Variants in TMEM68 observed in about 807,000 individuals in gnomAD.
TMEM68 encodes transmembrane protein 68.
Under a neutral mutation model 36.9 loss-of-function variants are expected in TMEM68, and 25 were observed. The observed-to-expected ratio is 0.68, with a 90% CI of 0.49 to 0.95. TMEM68 has a LOEUF of 0.95. TMEM68 is among the 40% of genes least tolerant of loss of function. The pLI is 0.00. For synonymous variants in TMEM68, 131 were observed against 124.4 expected (o/e 1.05, Z -0.35); for missense variants, 333 against 392.0 (o/e 0.85, Z 1.27).
intron 2 of TMEM68, chr8:55,763,314 G>T (rs923351459): frequency 9.2e-5 from 15 of 163,666 alleles, no homozygotes; most frequent in Non-Finnish European, 1.8e-4. Flanking sequence ...ATTTCAGATT[G>T]ATTTTAATAA....
chr8:55,770,154 C>A (rs1487428469), intron 1 of TMEM68, among the ~76,000 whole-genome samples: 1 of 152,148 alleles, frequency 6.6e-6, no homozygotes, highest in East Asian at 1.9e-4. Flanking sequence ...CTTAAAATTA[C>A]TAAATTAATT....
At chr8:55,741,655 C>T (rs1309584861) in intron 7 of TMEM68, among the ~76,000 whole-genome samples, 2 of 151,964 alleles carry the variant, frequency 1.3e-5, no homozygotes, top group Admixed American at 6.6e-5. Flanking sequence ...TTGTTTGGTG[C>T]GGGTCTCCAG....
At chr8:55,756,487 A>C in intron 3 of TMEM68, 76 bp from the exon 4 acceptor site, 1 of 1,337,688 alleles carries the variant, frequency 7.5e-7, no homozygotes, top group Non-Finnish European at 1.0e-6. Context: ...TTGGTAGCTC[A>C]GTCTTTTCTC....
chr8:55,750,451 T>C (rs1251564983), intron 5 of TMEM68, among the ~76,000 whole-genome samples: 1 of 151,784 alleles, frequency 6.6e-6, no homozygotes, highest in African/African-American at 2.4e-5. Context: ...AAGTGTTTCA[T>C]AGGCTAAAGT....
At chr8:55,748,881 A>G (rs1169552060) in intron 5 of TMEM68, among the ~76,000 whole-genome samples, 1 of 152,146 alleles carries the variant, frequency 6.6e-6, no homozygotes, top group Admixed American at 6.6e-5. Flanking sequence ...ATGAACCCAC[A>G]TGTCCAGCTG....
chr8:55,766,580 G>A (rs1005733692), intron 1 of TMEM68, among the ~76,000 whole-genome samples: 2 of 152,062 alleles, frequency 1.3e-5, no homozygotes, highest in Admixed American at 1.3e-4. Context: ...GTTTCACCAT[G>A]TTAGCCAGGA....
In TMEM68 at chr8:55,757,509, G is replaced by A. The variant is rs191191992; in HGVS notation, c.326-1098C>T. 1.5e-4 allele frequency among the ~76,000 whole-genome samples: 23 copies of A among 152,240 alleles called. No homozygotes were observed. In the East Asian group the frequency reaches 2.5e-3, roughly 17 times the overall value. ...AAAGAGAGCCCCTGCTAATGGTACA[G>A]GGAACAAAACCCCACTCACTTCCTG... On this transcript the variant is annotated intron_variant, in intron 3 of 7. Coordinates refer to ENST00000434581, the MANE Select transcript of TMEM68 (RefSeq NM_001286657.2).
intron 1 of TMEM68, among the ~76,000 whole-genome samples, chr8:55,771,050 G>A (rs914543518): frequency 6.6e-6 from 1 of 151,956 alleles, no homozygotes; most frequent in Non-Finnish European, 1.5e-5. Flanking sequence ...AGCTACTCAG[G>A]AGGCTGAGGC....
intron 3 of TMEM68, among the ~76,000 whole-genome samples, chr8:55,756,709 C>G (rs1248182562): frequency 1.3e-5 from 2 of 152,046 alleles, no homozygotes; most frequent in African/African-American, 2.4e-5. Context: ...GAGTCAGAAC[C>G]AGAGCAGAGT....
intron 5 of TMEM68, among the ~76,000 whole-genome samples, chr8:55,750,297 T>C (rs1260494720): frequency 6.6e-6 from 1 of 152,142 alleles, no homozygotes; most frequent in Non-Finnish European, 1.5e-5. Flanking sequence ...TCATTTTCTA[T>C]ACAACTAAAA....
intron 1 of TMEM68, among the ~76,000 whole-genome samples, chr8:55,766,744 G>C (rs567134576): frequency 6.6e-6 from 1 of 152,262 alleles, no homozygotes; most frequent in Non-Finnish European, 1.5e-5. Context: ...GGGTGAGGTT[G>C]CCTGGCTTGG....
chr8:55,747,627 C>T (rs1311378420), intron 5 of TMEM68: 1 of 149,020 alleles, frequency 6.7e-6, no homozygotes, highest in East Asian at 2.0e-4. Context: ...CCATACCTGG[C>T]CTTTAATTAT....
At chr8:55,756,201 T>C (rs1482020331) in intron 4 of TMEM68, 43 bp downstream of exon 4, 1 of 1,552,744 alleles carries the variant, frequency 6.4e-7, no homozygotes, top group East Asian at 2.3e-5. Context: ...CTTGGTTTTG[T>C]TAATAAAACA....
chr8:55,750,941 ATAAT>A lies in TMEM68; in HGVS notation c.687+19_687+22del, dbSNP rs1225748712. 1.3e-6 allele frequency: 2 copies of A among 1,587,422 alleles called. No homozygotes were observed. Among genetic ancestry groups the A allele is most frequent in the South Asian group, 2.3e-5 (2 of 85,912 alleles). On this transcript the variant is annotated intron_variant, in intron 5 of 7. Coordinates refer to ENST00000434581, the MANE Select transcript of TMEM68 (RefSeq NM_001286657.2). ...TTAAATTTGACTAAGCTTTACTTCA[ATAAT>A]TAATTTTATATAACTCACCACTTTT...
chr8:55,772,513 A>G (rs990926940), intron 1 of TMEM68, among the ~76,000 whole-genome samples: 1 of 152,220 alleles, frequency 6.6e-6, no homozygotes, highest in East Asian at 1.9e-4. Context: ...TTAGATAATT[A>G]GTAACTTGAA....
rs9773821 is a variant in TMEM68, at chr8:55,754,490, C to T, written c.493+1754G>A. ...ATACACACACACACACACACACACA[C>T]ACATACATACACACACACACGTGTA... On this transcript the variant is annotated intron_variant, in intron 4 of 7. Transcript: ENST00000434581. Among the ~76,000 whole-genome samples the T allele has an allele frequency of 2.5e-4, 29 of 116,002 alleles. 1 individual carries two copies. The highest frequency in any genetic ancestry group is 8.3e-4 in the African/African-American group (25 of 30,118). The allele number at this position is 116,002 out of a possible 152,430, so 76.1% of individuals were successfully genotyped here.
At chr8:55,756,185 A>G in intron 4 of TMEM68, 59 bp downstream of exon 4, 1 of 1,483,086 alleles carries the variant, frequency 6.7e-7, no homozygotes, top group Non-Finnish European at 9.1e-7. Context: ...AGAGACGACC[A>G]CATAACTTGG....
intron 4 of TMEM68, among the ~76,000 whole-genome samples, chr8:55,754,152 A>G (rs900383962): frequency 3.4e-5 from 5 of 147,884 alleles, no homozygotes; most frequent in Admixed American, 6.8e-5. Context: ...CCAGCTAGGC[A>G]TGGTGGCTCG....
chr8:55,750,176 T>C (rs1485591435), intron 5 of TMEM68, among the ~76,000 whole-genome samples: 1 of 152,236 alleles, frequency 6.6e-6, no homozygotes, highest in African/African-American at 2.4e-5. Flanking sequence ...TTATTCTTAA[T>C]TTTTGTATAA....
Sources: allele counts gnomAD v4.1 joint callset (sites outside exome capture counted in the v4.1 genomes callset), GRCh38; gene constraint gnomAD v4.1.1; transcripts MANE v1.5; gene names NCBI Gene and HGNC (gene_info 2026-07-23, HGNC 2026-07-21).